The following FGD5 variants were observed in gnomAD, a reference collection of about 807,000 sequenced individuals.
FGD5 encodes the protein FYVE, RhoGEF and PH domain containing 5.
In FGD5, 28 loss-of-function variants were observed where a neutral mutation model predicts 133.4. The ratio of observed to expected loss-of-function variants is 0.21; its 90% CI spans 0.16 to 0.29. The LOEUF (loss-of-function observed/expected upper bound fraction) is 0.29. FGD5 is among the 10% of genes least tolerant of loss of function. The pLI, the probability that FGD5 is intolerant of heterozygous loss-of-function variation, is 1.00. For synonymous variants in FGD5, 810 were observed against 776.5 expected (o/e 1.04, Z -0.72); for missense variants, 1,858 against 1,895.2 (o/e 0.98, Z 0.36).
chr3:14,838,460 T>G (rs2036859953), intron 1 of FGD5, among the ~76,000 whole-genome samples: 1 of 152,222 alleles, frequency 6.6e-6, no homozygotes, highest in South Asian at 2.1e-4. Flanking sequence ...AGGGCTTTGA[T>G]TCTGCCTATT....
intron 9 of FGD5, among the ~76,000 whole-genome samples, chr3:14,901,274 A>G (rs1417432367): frequency 1.3e-5 from 2 of 152,176 alleles, no homozygotes; most frequent in African/African-American, 2.4e-5. Flanking sequence ...TCACTGTTCA[A>G]ACAATGAGAG....
At chr3:14,840,109 C>A (rs2036891394) in intron 1 of FGD5, among the ~76,000 whole-genome samples, 1 of 151,778 alleles carries the variant, frequency 6.6e-6, no homozygotes, top group Non-Finnish European at 1.5e-5. Flanking sequence ...ACAGGTAACA[C>A]ACACACACAT....
chr3:14,926,847 A>G (rs2038813519), intron 18 of FGD5, among the ~76,000 whole-genome samples: 1 of 152,138 alleles, frequency 6.6e-6, no homozygotes, highest in South Asian at 2.1e-4. Flanking sequence ...GTGGTCAGGC[A>G]TAGTTTCAGC....
At chr3:14,845,522 G>A (rs1389301) in intron 1 of FGD5, among the ~76,000 whole-genome samples, 100,523 of 152,070 alleles carry the variant, frequency 0.66, 33,547 homozygotes, top group African/African-American at 0.74. Context: ...ACTCTGAAAC[G>A]TTAAGAAGTT....
intron 4 of FGD5, among the ~76,000 whole-genome samples, chr3:14,888,567 T>C (rs1389485330): frequency 1.3e-5 from 2 of 152,232 alleles, no homozygotes; most frequent in African/African-American, 4.8e-5. Context: ...CAGAGACTAA[T>C]GTAAAATATG....
chr3:14,880,022 T>C (rs1030364449), intron 2 of FGD5, among the ~76,000 whole-genome samples: 1 of 152,082 alleles, frequency 6.6e-6, no homozygotes, highest in Non-Finnish European at 1.5e-5. Context: ...GGGCATTAGC[T>C]CAACAACCTT....
At chr3:14,854,432 T>TTG (rs1553625404) in intron 1 of FGD5, among the ~76,000 whole-genome samples, 15,040 of 143,336 alleles carry the variant, frequency 0.1, 1,019 homozygotes, top group East Asian at 0.2. Flanking sequence ...TTTATTTATT[T>TTG]ATTGAGACGA....
At chr3:14,903,724 G>A (rs112131144) in intron 9 of FGD5, among the ~76,000 whole-genome samples, 7 of 152,114 alleles carry the variant, frequency 4.6e-5, no homozygotes, top group African/African-American at 1.7e-4. Flanking sequence ...TGGTATATTA[G>A]TATGCTACAT....
rs553269221 is a variant in FGD5 at position 14,873,635 on chromosome 3, G to T, written c.2659-6937G>T. Among the ~76,000 whole-genome samples the T allele has an allele frequency of 4.2e-4, 64 of 152,220 alleles. No homozygotes were observed. The South Asian group carries it at 0.013, about 31-fold the overall frequency. Reference sequence around the variant, plus strand: ...ATCACAATCACAGTCACTCTCTTAGGATTCCAGAAGGTGAGAGAGCTGAAA... The same window carrying T: ...ATCACAATCACAGTCACTCTCTTAGTATTCCAGAAGGTGAGAGAGCTGAAA... On this transcript the variant is annotated intron_variant, in intron 2 of 19. Coordinates refer to ENST00000285046, the MANE Select transcript of FGD5 (RefSeq NM_152536.4).
intron 18 of FGD5, among the ~76,000 whole-genome samples, chr3:14,930,140 A>G (rs1399274404): frequency 1.3e-5 from 2 of 152,160 alleles, no homozygotes; most frequent in Non-Finnish European, 2.9e-5. Flanking sequence ...GTCTTTGTTA[A>G]GTCTCAAATG....
chr3:14,810,759 G>A, upstream of FGD5: 1 of 971,706 alleles, frequency 1.0e-6, no homozygotes. Context: ...CGGGCCCCGC[G>A]GGGCGGCCGC....
At chr3:14,902,866 G>A (rs2038268569) in intron 9 of FGD5, among the ~76,000 whole-genome samples, 1 of 152,182 alleles carries the variant, frequency 6.6e-6, no homozygotes, top group African/African-American at 2.4e-5. Flanking sequence ...CCTACGGGGA[G>A]CTTGCACACA....
At chr3:14,817,771 T>C (rs2125065861), upstream of FGD5, among the ~76,000 whole-genome samples, 1 of 152,314 alleles carries the variant, frequency 6.6e-6, no homozygotes, top group Non-Finnish European at 1.5e-5. Context: ...GCTGGGAGAT[T>C]AGACCAGGCT....
chr3:14,903,716 G>A (rs185492533), intron 9 of FGD5, among the ~76,000 whole-genome samples: 5 of 152,178 alleles, frequency 3.3e-5, no homozygotes, highest in African/African-American at 4.8e-5. Context: ...GTATTCCATG[G>A]TATATTAGTA....
rs966527623 is a variant in FGD5, at chr3:14,918,816, C to G, written c.3552C>G (p.Cys1184Trp). ...TAAAGATTGAGACTTCCGAGTCCTG[C>G]CTGATGCTGTCTGCGAGGTACGGGC... ...YALKIETSES[C>W]LMLSASSCAE... The change falls in exon 13 of 20, where the codon TGC (cysteine) becomes TGG (tryptophan). Residue 1184 changes from cysteine (C) to tryptophan (W), a missense_variant. By Grantham distance (215) the Cys-to-Trp change is radical. Around this residue, in one of 3 missense-constraint regions of FGD5, gnomAD observed 1,824 missense variants for 1,848.9 expected, o/e 0.99. Coordinates refer to ENST00000285046, the MANE Select transcript of FGD5 (RefSeq NM_152536.4). The G allele has an allele frequency of 6.2e-7, 1 of 1,613,940 alleles. No homozygotes were observed. Among genetic ancestry groups the G allele is most frequent in the Middle Eastern group, 1.6e-4 (1 of 6,062 alleles).
intron 1 of FGD5, among the ~76,000 whole-genome samples, chr3:14,812,028 G>GTA (rs57281178): frequency 0.37 from 36,903 of 100,354 alleles, 4,656 homozygotes; most frequent in South Asian, 0.43. Context: ...GTGTGTGTGT[G>GTA]TGTATGTATG....
rs1255363810 is a variant in FGD5, at chr3:14,917,187, G to A, written c.3406-62G>A. 6.8e-6 allele frequency: 10 copies of A among 1,470,932 alleles called. No homozygotes were observed. The highest frequency in any genetic ancestry group is 8.4e-6 in the Non-Finnish European group (9 of 1,068,300). The allele number at this position is 1,470,932 out of a possible 1,614,324, so 91.1% of individuals were successfully genotyped here. A position where few individuals can be genotyped will look rare whatever the true frequency, so the allele number is the denominator to read the frequency against. On this transcript the variant is annotated intron_variant, in intron 11 of 19. Transcript: ENST00000285046. The surrounding 1 kb of genome is among the most constrained non-coding windows in gnomAD (Gnocchi z 4.1). ...CAGCGGAGCTCAGGGATCCTTTGAG[G>A]ACAGAAGCCTGGCGCAGCCTTCTGG...
intron 2 of FGD5, among the ~76,000 whole-genome samples, chr3:14,871,965 A>G (rs2037617014): frequency 6.6e-6 from 1 of 152,252 alleles, no homozygotes; most frequent in South Asian, 2.1e-4. Flanking sequence ...CTGGGGGATC[A>G]TTAGAAACAC....
intron 2 of FGD5, among the ~76,000 whole-genome samples, chr3:14,868,587 C>T (rs2037542884): frequency 6.6e-6 from 1 of 152,244 alleles, no homozygotes; most frequent in African/African-American, 2.4e-5. Context: ...GCTAGATTCA[C>T]AGCTGCACAC....
Sources: gnomAD v4.1 joint callset for allele counts (sites outside exome capture counted in the v4.1 genomes callset) on GRCh38, gnomAD v4.1.1 for gene constraint, gnomAD v4.1.1 regional missense constraint, Gnocchi (gnomAD v3.1) non-coding constraint, MANE v1.5 for transcripts, NCBI Gene and HGNC (gene_info 2026-07-23, HGNC 2026-07-21) for gene names.